Variants in TACC1 observed in about 807,000 individuals in gnomAD.
TACC1 encodes the protein transforming acidic coiled-coil containing protein 1.
Under a neutral mutation model 84.4 loss-of-function variants are expected in TACC1, and 48 were observed. That is an observed-to-expected ratio of 0.57 (90% CI 0.45 to 0.72). The LOEUF (loss-of-function observed/expected upper bound fraction) is 0.72. Among genes scored for constraint, TACC1 ranks in the 30% least tolerant of loss-of-function variants. TACC1 has a pLI of 0.00. For missense variants in TACC1, 920 were observed against 973.0 expected (o/e 0.95, Z 0.72); for synonymous variants, 372 against 376.3 (o/e 0.99, Z 0.13).
Position 38,820,055 on chromosome 8 carries a change from T to G in TACC1, c.811T>G (p.Leu271Val), listed in dbSNP as rs1223434026. 1 of 1,613,702 alleles carries G rather than the reference T, an allele frequency of 6.2e-7. No homozygotes were observed. The highest frequency in any genetic ancestry group is 1.1e-5 in the South Asian group (1 of 91,056). Residue 271 changes from leucine to valine, a missense_variant, in exon 3 of 13, where the codon TTG (leucine) becomes GTG (valine). Transcript: ENST00000317827. ...KASYHFSPEELDENTSPLLGD... is the reference protein window; with the variant it reads ...KASYHFSPEEVDENTSPLLGD... ...ATCCTATCACTTCAGTCCTGAAGAG[T>G]TGGATGAGAACACAAGTCCTTTGCT...
At chr8:38,827,100 A>G in intron 4 of TACC1, 68 bp from the exon 5 acceptor site, 2 of 1,406,874 alleles carry the variant, frequency 1.4e-6, no homozygotes, top group Non-Finnish European at 2.0e-6. Context: ...TGTTCCATTC[A>G]TGGGATGTCA....
At chr8:38,755,746 CAACAACA>C (rs377507242) in intron 3 of TACC1, among the ~76,000 whole-genome samples, 1,265 of 94,214 alleles carry the variant, frequency 0.013, 16 homozygotes, top group African/African-American at 0.041. Context: ...ACAACAACAA[CAACAACA>C]GAGTGTTCCT....
In TACC1 at chr8:38,848,851, C is replaced by T. The variant is rs1802267; in HGVS notation, c.*828C>T. ...TGATAGTGTCTGCTTTCTGCATGAA[C>T]GGCAATATGGGACTCCCTCCAAGCT... is the stretch of plus-strand genomic sequence containing the variant. On this transcript the variant is annotated 3_prime_UTR_variant, in exon 13 of 13. Coordinates refer to ENST00000317827, the MANE Select transcript of TACC1 (RefSeq NM_006283.3). 19,607 of 152,180 alleles carry T rather than the reference C, an allele frequency of 0.13. 1,570 individuals carry two copies. The highest frequency in any genetic ancestry group is 0.29 in the South Asian group (1,378 of 4,826). The allele number at this position is 152,180 out of a possible 1,614,324, so 9.4% of individuals were successfully genotyped here.
chr8:38,738,193 G>T (rs936613463), intron 1 of TACC1, among the ~76,000 whole-genome samples: 19 of 151,998 alleles, frequency 1.3e-4, no homozygotes, highest in Admixed American at 1.2e-3. Context: ...TTGACGCTAG[G>T]AGTTCAAGAC....
intron 2 of TACC1, chr8:38,799,614 C>T (rs1820871148): frequency 6.6e-6 from 1 of 152,132 alleles, no homozygotes; most frequent in South Asian, 2.1e-4. Flanking sequence ...TTTAAAAATC[C>T]CCCTGCCCAC....
At chr8:38,826,300 A>C (rs1828029637) in intron 4 of TACC1, among the ~76,000 whole-genome samples, 1 of 152,220 alleles carries the variant, frequency 6.6e-6, no homozygotes, top group African/African-American at 2.4e-5. Context: ...AAGAACTATG[A>C]GAAATTTATC....
In TACC1 at chr8:38,787,301, G is replaced by A. The variant is rs1817450241; in HGVS notation, c.-282G>A. 4.3e-6 allele frequency: 5 copies of A among 1,171,200 alleles called. No homozygotes were observed. Among genetic ancestry groups the A allele is most frequent in the South Asian group, 3.2e-5 (1 of 31,332 alleles). 72.6% of individuals were successfully genotyped at this position (1,171,200 alleles called of 1,614,324 possible). On this transcript the variant is annotated 5_prime_UTR_variant, in exon 1 of 13. Coordinates refer to ENST00000317827, the MANE Select transcript of TACC1 (RefSeq NM_006283.3). ...GCCGGGCGCCGCGGGCCGGGGGCCT[G>A]AGGAGGCCACAGGACGGGCGTCTTC...
rs1212271438 is a variant in TACC1, at chr8:38,819,531, A to C, written c.287A>C (p.Glu96Ala). ...TTGTGTTTCATTTTAGAATCACAAGAAGCTGATGAACAGCTTGTAGCAGAA... is the reference window on the plus strand; with the variant it reads ...TTGTGTTTCATTTTAGAATCACAAGCAGCTGATGAACAGCTTGTAGCAGAA... ...GPGAKSQESQEADEQLVAEVV... is the reference protein window; with the variant it reads ...GPGAKSQESQAADEQLVAEVV... Residue 96 changes from glutamate (E) to alanine (A), a missense_variant, in exon 3 of 13, where the codon GAA becomes GCA. Physicochemically the swap from Glu to Ala is moderately radical, Grantham distance 107. Transcript: ENST00000317827. The C allele has an allele frequency of 1.9e-6, 3 of 1,601,940 alleles. No individual in the cohort carries two copies. Among genetic ancestry groups the C allele is most frequent in the Non-Finnish European group, 2.6e-6 (3 of 1,172,118 alleles).
rs1398694305 is a variant in TACC1, at chr8:38,825,373, G to T, written c.1452+5G>T. ...GCCCTGGATGCATGTTCTCGGGTGAGTCTGTGCCCATCTCCAGAATGTCTC... is the reference window on the plus strand; with the variant it reads ...GCCCTGGATGCATGTTCTCGGGTGATTCTGTGCCCATCTCCAGAATGTCTC... On this transcript the variant is annotated splice_donor_5th_base_variant and intron_variant, in intron 4 of 12. Transcript: ENST00000317827. 6.2e-7 allele frequency: 1 copy of T among 1,614,108 alleles called. No homozygotes were observed. The highest frequency in any genetic ancestry group is 8.5e-7 in the Non-Finnish European group (1 of 1,179,976).
intron 2 of TACC1, among the ~76,000 whole-genome samples, chr8:38,804,861 C>A (rs370775968): frequency 1.3e-5 from 2 of 152,190 alleles, no homozygotes; most frequent in East Asian, 1.9e-4. Context: ...ACTTAGCCTC[C>A]CAACTGTCTA....
At chr8:38,798,630 T>TGTGTGC (rs1554515658) in intron 2 of TACC1, among the ~76,000 whole-genome samples, 29 of 151,838 alleles carry the variant, frequency 1.9e-4, no homozygotes, top group African/African-American at 6.3e-4. Flanking sequence ...TGTGTGTGTG[T>TGTGTGC]GTGTGTGTGT....
chr8:38,753,903 C>CTTTT (rs1554495444), intron 3 of TACC1, among the ~76,000 whole-genome samples: 1 of 76,526 alleles, frequency 1.3e-5, no homozygotes, highest in Non-Finnish European at 2.9e-5. Context: ...TCCTCTTTTT[C>CTTTT]TTTTTCTTTC....
chr8:38,847,623 T>A lies in TACC1; in HGVS notation c.2350-332T>A, dbSNP rs112088672. On this transcript the variant is annotated intron_variant, in intron 12 of 12. Coordinates refer to ENST00000317827, the MANE Select transcript of TACC1 (RefSeq NM_006283.3). ...CAGCATCCCTAGATATGCTAATGGA[T>A]TGAGTGAGACCCAGATACTTATGTT... 2.2e-3 allele frequency among the ~76,000 whole-genome samples: 330 copies of A among 152,320 alleles called. 1 individual carries two copies. The highest frequency in any genetic ancestry group is 7.4e-3 in the African/African-American group (306 of 41,560).
At chr8:38,837,105 C>CT (rs11414868) in intron 7 of TACC1, among the ~76,000 whole-genome samples, 25,128 of 120,870 alleles carry the variant, frequency 0.21, 2,907 homozygotes, top group African/African-American at 0.32. Flanking sequence ...CCACCAAAAT[C>CT]TTTTTTTTTT....
intron 1 of TACC1, among the ~76,000 whole-genome samples, chr8:38,730,294 C>T (rs1031947819): frequency 2.0e-5 from 3 of 152,244 alleles, no homozygotes; most frequent in African/African-American, 7.2e-5. Flanking sequence ...ATCTCAGGCA[C>T]CTGACCTCTC....
chr8:38,787,621 G>A lies in TACC1; in HGVS notation c.39G>A (p.Gln13=). The change falls in exon 1 of 13, where the codon CAG becomes CAA. Residue 13 remains glutamine, a synonymous_variant. Coordinates refer to ENST00000317827, the MANE Select transcript of TACC1 (RefSeq NM_006283.3). ...CGTGGCAGATCCTGTCCCCCGTGCA[G>A]TGGGCGAAATGGACGTGGTCTGCGG... ...FSPWQILSPV[Q]WAKWTWSAVR... 6.5e-7 allele frequency: 1 copy of A among 1,547,332 alleles called. No homozygotes were observed. Among genetic ancestry groups the A allele is most frequent in the East Asian group, 2.5e-5 (1 of 40,280 alleles).
chr8:38,803,623 T>G (rs780579833), intron 2 of TACC1, among the ~76,000 whole-genome samples: 7 of 152,228 alleles, frequency 4.6e-5, no homozygotes, highest in Non-Finnish European at 1.0e-4. Context: ...TGTTTGTTTG[T>G]GGTGTATAAT....
At chr8:38,787,086 T>C (rs1817337762), upstream of TACC1, 1 of 954,548 alleles carries the variant, frequency 1.0e-6, no homozygotes, top group Non-Finnish European at 1.2e-6. Context: ...GACGCCGCGG[T>C]AGGGGGATCC....
intron 3 of TACC1, among the ~76,000 whole-genome samples, chr8:38,821,233 CAGGT>C (rs1200654599): frequency 6.6e-6 from 1 of 151,824 alleles, no homozygotes; most frequent in Non-Finnish European, 1.5e-5. Context: ...ATGAGATAGA[CAGGT>C]AGAGATTTGA....
Sources: allele counts gnomAD v4.1 joint callset (sites outside exome capture counted in the v4.1 genomes callset), GRCh38; gene constraint gnomAD v4.1.1; transcripts MANE v1.5; gene names NCBI Gene and HGNC (gene_info 2026-07-23, HGNC 2026-07-21).